SYNJ1: variants seen among roughly 807,000 people sequenced by gnomAD.
SYNJ1 encodes the protein polyphosphatidylinositol phosphatase SYNJ1.
A neutral mutation model predicts 168.2 loss-of-function variants in SYNJ1; 78 were observed. That is an observed-to-expected ratio of 0.46 (90% CI 0.39 to 0.56). The LOEUF (loss-of-function observed/expected upper bound fraction) is 0.56, where lower values mean the gene tolerates loss of function less well. SYNJ1 is among the 20% of genes least tolerant of loss of function. The pLI is 0.00. For missense variants in SYNJ1, 1,303 were observed against 1,597.6 expected (o/e 0.82, Z 3.14); for synonymous variants, 539 against 548.6 (o/e 0.98, Z 0.24).
Position 32,656,887 on chromosome 21 carries a change from C to A in SYNJ1, c.2595G>T (p.Leu865=), listed in dbSNP as rs1482752240. 6.2e-7 allele frequency: 1 copy of A among 1,614,120 alleles called. No individual in the cohort carries two copies. Among genetic ancestry groups the A allele is most frequent in the South Asian group, 1.1e-5 (1 of 91,078 alleles). Residue 865 remains leucine (L), a synonymous_variant, in exon 21 of 33, where the codon CTG becomes CTT. Transcript: ENST00000674351. ...CAACTTCAAATATATCTATATCAAT[C>A]AGGGCAACGACAGGCCTTAAGGCAT... ...KTSDHRPVVA[L]IDIDIFEVEA... is the part of the protein sequence containing the mutation.
intron 21 of SYNJ1, chr21:32,653,634 C>T (rs1035033567): frequency 3.2e-6 from 1 of 308,702 alleles, no homozygotes; most frequent in Non-Finnish European, 6.1e-6. Context: ...CTAATCCAGT[C>T]CCATCCAATC....
At chr21:32,719,799 T>A (rs1233904695) in intron 2 of SYNJ1, among the ~76,000 whole-genome samples, 6 of 151,574 alleles carry the variant, frequency 4.0e-5, no homozygotes, top group Non-Finnish European at 8.8e-5. Flanking sequence ...AAATTGTGGT[T>A]ACTTATGAAG....
chr21:32,675,536 T>C (rs967966547), intron 13 of SYNJ1, among the ~76,000 whole-genome samples: 1 of 152,138 alleles, frequency 6.6e-6, no homozygotes. Context: ...CCTCTACCCT[T>C]CTCGAGAAAA....
chr21:32,727,437 G>A (rs1233163980), intron 1 of SYNJ1, among the ~76,000 whole-genome samples: 7 of 152,194 alleles, frequency 4.6e-5, no homozygotes, highest in African/African-American at 1.7e-4. Flanking sequence ...TGGCGATGAA[G>A]GGCAAGGGAA....
rs767695759 is a variant in SYNJ1, at chr21:32,639,677, A to G, written c.3691T>C (p.Ser1231Pro). The G allele has an allele frequency of 5.2e-5, 84 of 1,613,574 alleles. No individual in the cohort carries two copies. The highest frequency in any genetic ancestry group is 3.3e-5 in the Admixed American group (2 of 59,984). The change falls in exon 30 of 33, where the codon TCG becomes CCG. Residue 1231 changes from serine to proline, a missense_variant. Physicochemically the swap from Ser to Pro is moderately conservative, Grantham distance 74. Transcript: ENST00000674351. Reference sequence around the variant, plus strand: ...CCTCCCAAAGAGGACCTACCTTTCGACGTTTCTGATGTTTTGCTTTGGCTT... The same window carrying G: ...CCTCCCAAAGAGGACCTACCTTTCGGCGTTTCTGATGTTTTGCTTTGGCTT... Reference protein sequence around the residue: ...PESQSKTSETSKGSTFLPEPL... With the variant: ...PESQSKTSETPKGSTFLPEPL...
At chr21:32,667,036 T>C in intron 15 of SYNJ1, among the ~76,000 whole-genome samples, 1 of 151,554 alleles carries the variant, frequency 6.6e-6, no homozygotes, top group Non-Finnish European at 1.5e-5. Context: ...CTATAATACC[T>C]AATACAATGT....
At chr21:32,648,029 A>G (rs2040138086) in intron 23 of SYNJ1, among the ~76,000 whole-genome samples, 1 of 152,146 alleles carries the variant, frequency 6.6e-6, no homozygotes, top group South Asian at 2.1e-4. Context: ...CCCCTACTTC[A>G]ACAGCCTGCC....
chr21:32,699,973 C>A lies in SYNJ1; in HGVS notation c.344G>T (p.Arg115Leu), dbSNP rs951976946. ...CAAAACTTTCCGCACTTCTGAAATG[C>A]GATCCTCATCTGAAGAATCGATTCG... Reference protein sequence around the residue: ...SLRIDSSDEDRISEVRKVLNS... With the variant: ...SLRIDSSDEDLISEVRKVLNS... Residue 115 changes from arginine to leucine, a missense_variant, in exon 4 of 33, where the codon CGC becomes CTC. This residue lies in a region of SYNJ1 where 920 missense variants were observed against 1,208.8 expected (regional missense o/e 0.76). Transcript: ENST00000674351. 3.7e-6 allele frequency: 6 copies of A among 1,614,036 alleles called. No individual in the cohort carries two copies. The Admixed American group carries it at 5.0e-5, about 13-fold the overall frequency.
In SYNJ1 at chr21:32,695,128, C is replaced by T; in HGVS notation, c.634G>A (p.Ala212Thr). 6.2e-7 allele frequency: 1 copy of T among 1,614,126 alleles called. No individual in the cohort carries two copies. The highest frequency in any genetic ancestry group is 1.7e-5 in the Admixed American group (1 of 60,008). Residue 212 changes from alanine (A) to threonine (T), a missense_variant, in exon 5 of 33, where the codon GCT (alanine) becomes ACT (threonine). Coordinates refer to ENST00000674351, the MANE Select transcript of SYNJ1 (RefSeq NM_203446.3). ...CCCCGGACATTAAACCTGGTCCCAGCTCGTTCACAGCTTAATCTTGAAATG... is the reference window on the plus strand; with the variant it reads ...CCCCGGACATTAAACCTGGTCCCAGTTCGTTCACAGCTTAATCTTGAAATG... ...CLISRLSCERAGTRFNVRGTN... is the reference protein window; with the variant it reads ...CLISRLSCERTGTRFNVRGTN...
chr21:32,674,647 AC>A lies in SYNJ1; in HGVS notation c.1535-1117del, dbSNP rs775117694. 1.9e-3 allele frequency among the ~76,000 whole-genome samples: 282 copies of A among 149,454 alleles called. 1 individual carries two copies. Among genetic ancestry groups the A allele is most frequent in the Middle Eastern group, 6.9e-3 (2 of 288 alleles). The stretch of plus-strand genomic sequence containing the variant: ...CGTTTTTTTTTTTTTTTGGTCTACA[AC>A]CCATCTTTTCCCTTTCTAAACCACA... On this transcript the variant is annotated intron_variant, in intron 13 of 32. Transcript: ENST00000674351.
At position 32,642,147 on chromosome 21, in the gene SYNJ1, A is replaced by T. The variant is rs2039869790; in HGVS notation, c.3479-14T>A. On this transcript the variant is annotated splice_polypyrimidine_tract_variant and intron_variant, in intron 27 of 32. Coordinates refer to ENST00000674351, the MANE Select transcript of SYNJ1 (RefSeq NM_203446.3). ...GGCTTTTGGGTGCTTTGAAGCAAGA[A>T]GGGAAAAAAAAATTAGTTGTAAGTT... 3.7e-6 allele frequency: 6 copies of T among 1,613,658 alleles called. No homozygotes were observed. Among genetic ancestry groups the T allele is most frequent in the Non-Finnish European group, 5.1e-6 (6 of 1,179,994 alleles).
chr21:32,628,844 A>G lies in SYNJ1; in HGVS notation c.*2961T>C, dbSNP rs1053462248. The G allele has an allele frequency of 6.6e-6, 1 of 152,640 alleles. No homozygotes were observed. The highest frequency in any genetic ancestry group is 1.5e-5 in the Non-Finnish European group (1 of 68,032). The allele number at this position is 152,640 out of a possible 1,614,324, so 9.5% of individuals were successfully genotyped here. A position where few individuals can be genotyped will look rare whatever the true frequency, so the allele number is the denominator to read the frequency against. On this transcript the variant is annotated 3_prime_UTR_variant, in exon 33 of 33. Coordinates refer to ENST00000674351, the MANE Select transcript of SYNJ1 (RefSeq NM_203446.3). ...ATGTCTGTGTACCACTGACTTTAATACTGTACTTCTATAAAGTTTATAGTT... is the reference window on the plus strand; with the variant it reads ...ATGTCTGTGTACCACTGACTTTAATGCTGTACTTCTATAAAGTTTATAGTT...
At chr21:32,635,472 G>C (rs187536140) in intron 31 of SYNJ1, among the ~76,000 whole-genome samples, 33 of 152,242 alleles carry the variant, frequency 2.2e-4, no homozygotes, top group Non-Finnish European at 4.1e-4. Context: ...GCCCTCACCA[G>C]AACTCAACCA....
Position 32,645,743 on chromosome 21 carries a change from G to T in SYNJ1, c.3294C>A (p.Asp1098Glu). 1 of 1,466,914 alleles carries T rather than the reference G, an allele frequency of 6.8e-7. No individual in the cohort carries two copies. Among genetic ancestry groups the T allele is most frequent in the South Asian group, 1.4e-5 (1 of 69,958 alleles). The allele number at this position is 1,466,914 out of a possible 1,614,324, so 90.9% of individuals were successfully genotyped here. A position where few individuals can be genotyped will look rare whatever the true frequency, so the allele number is the denominator to read the frequency against. The change falls in exon 25 of 33, where the codon GAC becomes GAA. Residue 1098 changes from aspartate (D) to glutamate (E), a missense_variant. Physicochemically the swap from Asp to Glu is conservative, Grantham distance 45 (BLOSUM62 2). This residue lies in a region of SYNJ1 where 383 missense variants were observed against 388.8 expected (regional missense o/e 0.99). Transcript: ENST00000674351. ...AQPATPLPQK[D>E]PAQPLEPKRP... ...GCTTGGGCTCCAAGGGCTGGGCGGG[G>T]TCTTTCTGCGGCAGCGGCGTTGCTG...
At chr21:32,725,954 C>T (rs1394805254) in intron 2 of SYNJ1, among the ~76,000 whole-genome samples, 1 of 152,172 alleles carries the variant, frequency 6.6e-6, no homozygotes, top group Non-Finnish European at 1.5e-5. Flanking sequence ...AATCCGCCCA[C>T]CTCAGCCTCC....
intron 2 of SYNJ1, among the ~76,000 whole-genome samples, chr21:32,706,309 G>A (rs991687645): frequency 3.3e-5 from 5 of 152,024 alleles, no homozygotes; most frequent in African/African-American, 1.2e-4. Context: ...AGACATTGTT[G>A]GGGCAATTGG....
intron 13 of SYNJ1, among the ~76,000 whole-genome samples, chr21:32,675,877 T>C (rs774448592): frequency 6.6e-6 from 1 of 152,222 alleles, no homozygotes; most frequent in Non-Finnish European, 1.5e-5. Flanking sequence ...TCATTCACAA[T>C]AAGGAAATGC....
At chr21:32,672,507 T>A (rs1225959242) in intron 14 of SYNJ1, among the ~76,000 whole-genome samples, 4 of 151,972 alleles carry the variant, frequency 2.6e-5, no homozygotes, top group Non-Finnish European at 5.9e-5. Flanking sequence ...ACCCGGCTAA[T>A]TTTTTTATTT....
chr21:32,724,487 C>T (rs970751686), intron 2 of SYNJ1, among the ~76,000 whole-genome samples: 24 of 152,038 alleles, frequency 1.6e-4, no homozygotes. Context: ...GACCCTGTCT[C>T]AAAAAACAAA....
Sources: allele counts gnomAD v4.1 joint callset (sites outside exome capture counted in the v4.1 genomes callset), GRCh38; gene constraint gnomAD v4.1.1; regional missense constraint gnomAD v4.1.1; transcripts MANE v1.5; gene names NCBI Gene and HGNC (gene_info 2026-07-23, HGNC 2026-07-21).